The following HDAC2 variants were observed in gnomAD, a reference collection of about 807,000 sequenced individuals.
HDAC2 encodes the protein histone deacetylase 2, also known as YY1-associated factor 1.
Under a neutral mutation model 68.5 loss-of-function variants are expected in HDAC2, and 5 were observed. That is an observed-to-expected ratio of 0.07 (90% CI 0.04 to 0.15). The LOEUF is 0.15. Ranked by LOEUF, HDAC2 falls within the 10% of genes least tolerant of loss-of-function variation. HDAC2 has a pLI of 1.00. For missense variants in HDAC2, 291 were observed against 600.8 expected, an observed-to-expected ratio of 0.48 and a Z score of 5.39; for synonymous variants, 182 against 191.3, an observed-to-expected ratio of 0.95 and a Z score of 0.40.
chr6:113,958,203 T>C (rs1562146957), intron 3 of HDAC2, among the ~76,000 whole-genome samples: 1 of 152,178 alleles, frequency 6.6e-6, no homozygotes, highest in Non-Finnish European at 1.5e-5. Flanking sequence ...GAACATTACG[T>C]AGAATCAAAA....
chr6:113,965,022 T>C (rs1232254265), intron 1 of HDAC2, among the ~76,000 whole-genome samples: 2 of 152,264 alleles, frequency 1.3e-5, no homozygotes, highest in Non-Finnish European at 2.9e-5. Context: ...TGGACCAATA[T>C]GTGTTCAATT....
At position 113,944,401 on chromosome 6, in the gene HDAC2, C is replaced by T. The variant is rs2114590852; in HGVS notation, c.1101G>A (p.Leu367=). The T allele has an allele frequency of 1.2e-6, 2 of 1,613,152 alleles. No individual in the cohort carries two copies. The highest frequency in any genetic ancestry group is 1.7e-6 in the Non-Finnish European group (2 of 1,179,418). The change falls in exon 11 of 14, where the codon TTG becomes TTA. Residue 367 remains leucine, a synonymous_variant. Coordinates refer to ENST00000519065, the MANE Select transcript of HDAC2 (RefSeq NM_001527.4). ...PEYMEKIKQR[L]FENLRMLPHA... is the part of the protein sequence containing the mutation. ...GAGGTAACATGCGCAAATTTTCAAA[C>T]AAACGCTGTCTAAATTACACATGCA...
Position 113,970,920 on chromosome 6 carries a change from C to T in HDAC2, c.-12G>A. The T allele has an allele frequency of 1.9e-6, 3 of 1,550,432 alleles. No homozygotes were observed. Among genetic ancestry groups the T allele is most frequent in the Non-Finnish European group, 8.7e-7 (1 of 1,147,178 alleles). On this transcript the variant is annotated 5_prime_UTR_variant, in exon 1 of 14. Coordinates refer to ENST00000519065, the MANE Select transcript of HDAC2 (RefSeq NM_001527.4). ...TGACTGTACGCCATGGGCTCCCCGG[C>T]CACCGCCGCCACCGGGCTCCTCCTC...
At chr6:113,962,393 G>T in intron 1 of HDAC2, 1 of 900,448 alleles carries the variant, frequency 1.1e-6, no homozygotes, top group Non-Finnish European at 1.3e-6. Context: ...GCAGGGTGAA[G>T]GCTGAAAAAA....
At chr6:113,942,695 A>G (rs1373469926) in intron 12 of HDAC2, among the ~76,000 whole-genome samples, 1 of 152,150 alleles carries the variant, frequency 6.6e-6, no homozygotes. Flanking sequence ...CTATAATATG[A>G]TGTGTTAAAT....
chr6:113,961,391 CTAATTT>C (rs1397747321), intron 1 of HDAC2, among the ~76,000 whole-genome samples: 1 of 152,124 alleles, frequency 6.6e-6, no homozygotes, highest in Non-Finnish European at 1.5e-5. Context: ...TATCACACCT[CTAATTT>C]TAGTTAACTT....
intron 6 of HDAC2, 29 bp from the exon 7 acceptor site, chr6:113,949,289 A>T: frequency 7.6e-7 from 1 of 1,309,888 alleles, no homozygotes; most frequent in Non-Finnish European, 1.1e-6. Flanking sequence ...CTGATCTTAG[A>T]GAATATTCTA....
intron 3 of HDAC2, among the ~76,000 whole-genome samples, chr6:113,957,927 G>A (rs1297072741): frequency 6.6e-6 from 1 of 151,876 alleles, no homozygotes; most frequent in Non-Finnish European, 1.5e-5. Context: ...AATACTACAT[G>A]TTCTAGTTAC....
chr6:113,956,397 GGAAT>G (rs1201217406), intron 4 of HDAC2: 5 of 563,282 alleles, frequency 8.9e-6, no homozygotes, highest in Middle Eastern at 4.5e-4. Flanking sequence ...GAAGACAAAG[GGAAT>G]GAATGAAGTC....
At chr6:113,956,492 T>A in intron 4 of HDAC2, 127 bp downstream of exon 4, 1 of 704,254 alleles carries the variant, frequency 1.4e-6, no homozygotes, top group Non-Finnish European at 2.5e-6. Context: ...TACTTTACTA[T>A]AAACATACTG....
chr6:113,937,632 G>A lies in HDAC2; in HGVS notation c.*3426C>T, dbSNP rs1257000640. The stretch of plus-strand genomic sequence containing the variant: ...CATGCCTGAGTCAGGAGAATCGCTT[G>A]AGCCTAGGAGTTTGTGACCAGCCTG... On this transcript the variant is annotated 3_prime_UTR_variant, in exon 14 of 14. Transcript: ENST00000519065. 6.6e-6 allele frequency: 1 copy of A among 152,278 alleles called. No homozygotes were observed. Among genetic ancestry groups the A allele is most frequent in the Non-Finnish European group, 1.5e-5 (1 of 68,112 alleles). 9.4% of individuals were successfully genotyped at this position (152,278 alleles called of 1,614,324 possible). A position where few individuals can be genotyped will look rare whatever the true frequency, so the allele number is the denominator to read the frequency against.
At chr6:113,957,341 C>T (rs1247608816) in intron 3 of HDAC2, 1 of 152,222 alleles carries the variant, frequency 6.6e-6, no homozygotes, top group East Asian at 1.9e-4. Context: ...GTAACCCTTT[C>T]TTAGTCTTTC....
chr6:113,957,103 T>C (rs1381394558), intron 3 of HDAC2: 2 of 156,306 alleles, frequency 1.3e-5, no homozygotes, highest in Non-Finnish European at 2.8e-5. Flanking sequence ...ATACCTATAA[T>C]ATCTGTAACT....
Position 113,959,834 on chromosome 6 carries a change from GA to G in HDAC2, c.165+71del, listed in dbSNP as rs1273028436. On this transcript the variant is annotated intron_variant, in intron 2 of 13. Transcript: ENST00000519065. Reference sequence around the variant, plus strand: ...AAATGCCCTCAAAAGGGGAATAATAGACAAAGTTTCACAGTAGCTAAAAAAA... The same window carrying G: ...AAATGCCCTCAAAAGGGGAATAATAGCAAAGTTTCACAGTAGCTAAAAAAA... The G allele has an allele frequency of 7.1e-6, 5 of 708,776 alleles. No homozygotes were observed. The Admixed American group carries it at 1.2e-4, about 17-fold the overall frequency. 43.9% of individuals were successfully genotyped at this position (708,776 alleles called of 1,614,324 possible). A position where few individuals can be genotyped will look rare whatever the true frequency, so the allele number is the denominator to read the frequency against.
Position 113,939,120 on chromosome 6 carries a change from T to A in HDAC2, c.*1938A>T, listed in dbSNP as rs1421592611. Reference sequence around the variant, plus strand: ...ACCCGGATACTGAGCTCAGTTTCCGTCTTCACTGTTCCATCTCCTCCATCC... The same window carrying A: ...ACCCGGATACTGAGCTCAGTTTCCGACTTCACTGTTCCATCTCCTCCATCC... On this transcript the variant is annotated 3_prime_UTR_variant, in exon 14 of 14. Transcript: ENST00000519065. 1.3e-5 allele frequency: 2 copies of A among 152,126 alleles called. No homozygotes were observed. Among genetic ancestry groups the A allele is most frequent in the Admixed American group, 1.3e-4 (2 of 15,270 alleles). 9.4% of individuals were successfully genotyped at this position (152,126 alleles called of 1,614,324 possible).
At chr6:113,964,063 C>G (rs1297926436) in intron 1 of HDAC2, among the ~76,000 whole-genome samples, 1 of 151,990 alleles carries the variant, frequency 6.6e-6, no homozygotes, top group African/African-American at 2.4e-5. Flanking sequence ...ATTAATATTT[C>G]TACAGCAAAA....
Position 113,934,265 on chromosome 6 carries a change from C to A in HDAC2, c.*6793G>T, listed in dbSNP as rs1775952831. 1 of 152,070 alleles carries A rather than the reference C, an allele frequency of 6.6e-6. No homozygotes were observed. The highest frequency in any genetic ancestry group is 2.1e-4 in the South Asian group (1 of 4,816). 9.4% of individuals were successfully genotyped at this position (152,070 alleles called of 1,614,324 possible). A position where few individuals can be genotyped will look rare whatever the true frequency, so the allele number is the denominator to read the frequency against. On this transcript the variant is annotated 3_prime_UTR_variant, in exon 14 of 14. Coordinates refer to ENST00000519065, the MANE Select transcript of HDAC2 (RefSeq NM_001527.4). ...TCTGGGTTGATACGCATCTCAAGGC[C>A]AGAAAGGAATGATCAATTTGTGACA...
At chr6:113,942,347 G>C (rs113028678) in intron 12 of HDAC2, among the ~76,000 whole-genome samples, 14 of 150,584 alleles carry the variant, frequency 9.3e-5, no homozygotes, top group African/African-American at 3.4e-4. Context: ...ATAAATTTCT[G>C]TATGTAGCCT....
intron 1 of HDAC2, chr6:113,962,304 G>T: frequency 4.9e-6 from 2 of 412,046 alleles, no homozygotes; most frequent in Non-Finnish European, 6.5e-6. Flanking sequence ...TTCAAACTCT[G>T]GCAGGGCAGC....
Sources: allele counts gnomAD v4.1 joint callset (sites outside exome capture counted in the v4.1 genomes callset), GRCh38; gene constraint gnomAD v4.1.1; transcripts MANE v1.5; gene names NCBI Gene and HGNC (gene_info 2026-07-23, HGNC 2026-07-21).